Variants in NBDY observed in about 807,000 individuals in gnomAD.
The protein encoded by NBDY is P-body dissociating protein.
At chrX:56,784,585 C>T (rs1050657594) in intron 2 of NBDY, among the ~76,000 whole-genome samples, 1 of 111,821 alleles carries the variant, frequency 8.9e-6, no homozygotes, top group Non-Finnish European at 1.9e-5. Context: ...AGGTTCCAGA[C>T]AGTGCTCGCC....
chrX:56,745,175 G>A (rs754435261), intron 2 of NBDY, among the ~76,000 whole-genome samples: 5 of 111,545 alleles, frequency 4.5e-5, no homozygotes, highest in East Asian at 5.6e-4. Flanking sequence ...GGAATACAGC[G>A]TTGATGTGCT....
In NBDY at chrX:56,818,165, A is replaced by G. The variant is rs943299404; in HGVS notation, c.*1012A>G. On this transcript the variant is annotated 3_prime_UTR_variant, in exon 3 of 3. Transcript: ENST00000374922. ...TACCTTTGAATTGTAATAATAAAAG[A>G]TAAACAGACTTGAAAGCATATATTA... 1.8e-5 allele frequency: 2 copies of G among 111,967 alleles called. No individual in the cohort carries two copies. The highest frequency in any genetic ancestry group is 3.8e-5 in the Non-Finnish European group (2 of 53,154). The allele number at this position is 111,967 out of a possible 1,213,427, so 9.2% of individuals were successfully genotyped here. A position where few individuals can be genotyped will look rare whatever the true frequency, so the allele number is the denominator to read the frequency against.
intron 2 of NBDY, among the ~76,000 whole-genome samples, chrX:56,735,234 T>C (rs1021745386): frequency 8.9e-6 from 1 of 112,531 alleles, no homozygotes; most frequent in African/African-American, 3.2e-5. Context: ...TTAGTCTTCA[T>C]AACAAGCAGG....
intron 2 of NBDY, among the ~76,000 whole-genome samples, chrX:56,812,195 C>T (rs2069890557): frequency 9.2e-6 from 1 of 108,987 alleles, no homozygotes; most frequent in African/African-American, 3.4e-5. Flanking sequence ...TGCTCCTATT[C>T]CACCATCTTG....
chrX:56,796,222 G>T (rs1021251912), intron 2 of NBDY, among the ~76,000 whole-genome samples: 2 of 112,068 alleles, frequency 1.8e-5, no homozygotes, highest in Admixed American at 1.9e-4. Flanking sequence ...TGCGGATGTG[G>T]TGGAGATCTG....
chrX:56,740,482 T>G lies in NBDY; in HGVS notation c.*166+8283T>G, dbSNP rs1245474099. Among the ~76,000 whole-genome samples, 5 of 111,658 alleles carry G rather than the reference T, an allele frequency of 4.5e-5. No individual in the cohort carries two copies. In the East Asian group the frequency reaches 1.4e-3, roughly 31 times the overall value. The stretch of plus-strand genomic sequence containing the variant: ...GTTCTGTTCATTAAATTTAACTGTG[T>G]TGTTTAAATCTTCTCTATTCCTAAG... On this transcript the variant is annotated intron_variant, in intron 2 of 2. Coordinates refer to ENST00000374922, the MANE Select transcript of NBDY (RefSeq NM_001348129.2).
intron 1 of NBDY, among the ~76,000 whole-genome samples, chrX:56,731,609 AAAAAG>A (rs1222983223): frequency 9.0e-6 from 1 of 111,257 alleles, no homozygotes; most frequent in African/African-American, 3.3e-5. Flanking sequence ...AATAAAAAGG[AAAAAG>A]AAAAGAAAAC....
At chrX:56,760,589 C>CA (rs2146722549) in intron 2 of NBDY, among the ~76,000 whole-genome samples, 1 of 112,067 alleles carries the variant, frequency 8.9e-6, no homozygotes, top group South Asian at 3.7e-4. Context: ...GAGGCTGAGG[C>CA]AGGAGAATCG....
chrX:56,785,775 T>C (rs1196184264), intron 2 of NBDY, among the ~76,000 whole-genome samples: 1 of 111,872 alleles, frequency 8.9e-6, no homozygotes, highest in Admixed American at 9.4e-5. Context: ...GCTATTCATT[T>C]GGTGCACTCT....
intron 2 of NBDY, among the ~76,000 whole-genome samples, chrX:56,746,680 T>C (rs1054928898): frequency 2.0e-4 from 22 of 109,902 alleles, no homozygotes; most frequent in African/African-American, 7.3e-4. Flanking sequence ...AGATCTCAGT[T>C]CCTTGCCACT....
At chrX:56,786,735 C>T (rs1285795219) in intron 2 of NBDY, among the ~76,000 whole-genome samples, 1 of 110,029 alleles carries the variant, frequency 9.1e-6, no homozygotes, top group Non-Finnish European at 1.9e-5. Flanking sequence ...TTTTTTCCCC[C>T]CTTCACTGTC....
At chrX:56,793,778 A>G (rs1339872810) in intron 2 of NBDY, among the ~76,000 whole-genome samples, 1 of 110,574 alleles carries the variant, frequency 9.0e-6, no homozygotes, top group African/African-American at 3.3e-5. Context: ...AGCTGTCTTT[A>G]GGAAAGGGCA....
rs2146746241 is a variant in NBDY, at chrX:56,817,389, G to T, written c.*236G>T. ...AATTCTAAGACATGGGCAAGATCGGGTTGTAAGACCTCTGAGATTTAAGGC... is the reference window on the plus strand; with the variant it reads ...AATTCTAAGACATGGGCAAGATCGGTTTGTAAGACCTCTGAGATTTAAGGC... On this transcript the variant is annotated 3_prime_UTR_variant, in exon 3 of 3. Coordinates refer to ENST00000374922, the MANE Select transcript of NBDY (RefSeq NM_001348129.2). The T allele has an allele frequency of 8.9e-6, 1 of 112,069 alleles. No homozygotes were observed. Among genetic ancestry groups the T allele is most frequent in the East Asian group, 2.8e-4 (1 of 3,585 alleles). The allele number at this position is 112,069 out of a possible 1,213,427, so 9.2% of individuals were successfully genotyped here.
chrX:56,797,265 C>A (rs2069797317), intron 2 of NBDY, among the ~76,000 whole-genome samples: 1 of 102,609 alleles, frequency 9.7e-6, no homozygotes, highest in Non-Finnish European at 2.0e-5. Flanking sequence ...CTTTTTCTTT[C>A]TCTCCTTCTT....
chrX:56,784,569 G>A (rs996043857), intron 2 of NBDY, among the ~76,000 whole-genome samples: 2 of 111,951 alleles, frequency 1.8e-5, no homozygotes, highest in African/African-American at 6.5e-5. Flanking sequence ...AAGTGCATGG[G>A]TAGCCAGGTT....
At chrX:56,767,710 C>T (rs972623906) in intron 2 of NBDY, among the ~76,000 whole-genome samples, 2 of 111,871 alleles carry the variant, frequency 1.8e-5, no homozygotes, top group Admixed American at 9.4e-5. Flanking sequence ...TTTTCTCCTT[C>T]CTCTTTGCTT....
intron 2 of NBDY, among the ~76,000 whole-genome samples, chrX:56,813,291 A>T (rs1404215375): frequency 9.1e-6 from 1 of 110,483 alleles, no homozygotes; most frequent in Non-Finnish European, 1.9e-5. Context: ...CTTTTTGTGG[A>T]CTCTGTAAAT....
chrX:56,751,373 C>G (rs2069584527), intron 2 of NBDY, among the ~76,000 whole-genome samples: 1 of 111,672 alleles, frequency 9.0e-6, no homozygotes, highest in African/African-American at 3.3e-5. Flanking sequence ...TGGTATTTGT[C>G]TATTATTGCA....
In NBDY at chrX:56,809,473, CTCT is replaced by C. The variant is rs202230076; in HGVS notation, c.*167-7842_*167-7840del. ...GTGCATATATATTGAGGATAGTTAG[CTCT>C]TCTTGTTGCATTGATTTATTTACCA... On this transcript the variant is annotated intron_variant, in intron 2 of 2. Transcript: ENST00000374922. 6.7e-4 allele frequency among the ~76,000 whole-genome samples: 75 copies of C among 112,173 alleles called. 1 individual carries two copies. In the East Asian group the frequency reaches 0.019, roughly 29 times the overall value.
Sources: gnomAD v4.1 joint callset for allele counts (sites outside exome capture counted in the v4.1 genomes callset) on GRCh38, gnomAD v4.1.1 for gene constraint, MANE v1.5 for transcripts, NCBI Gene and HGNC (gene_info 2026-07-23, HGNC 2026-07-21) for gene names.